The following HS6ST1 variants were observed in gnomAD, a reference collection of about 807,000 sequenced individuals.
The protein encoded by HS6ST1 is heparan sulfate 6-O-sulfotransferase 1.
Under a neutral mutation model 25.2 loss-of-function variants are expected in HS6ST1, and 3 were observed. The observed-to-expected ratio is 0.12, with a 90% CI of 0.05 to 0.31. The LOEUF is 0.31. Among genes scored for constraint, HS6ST1 ranks in the 10% least tolerant of loss-of-function variants. The pLI is 1.00. For synonymous variants in HS6ST1, 204 were observed against 275.1 expected, an observed-to-expected ratio of 0.74 and a Z score of 2.56; for missense variants, 310 against 609.6, an observed-to-expected ratio of 0.51 and a Z score of 5.18.
At chr2:128,276,040 T>C (rs1315079854) in intron 1 of HS6ST1, among the ~76,000 whole-genome samples, 1 of 152,248 alleles carries the variant, frequency 6.6e-6, no homozygotes. Context: ...ACATCAGGAC[T>C]GGATTATGAT....
rs1220746615 is a variant in HS6ST1 at position 128,267,661 on chromosome 2, T to C, written c.*501A>G. ...TGGGGGCTCCCCAGGCCTCGGGGCA[T>C]TGGGGGCAGCCAGAAGAGGAGGGGC... On this transcript the variant is annotated 3_prime_UTR_variant, in exon 2 of 2. Coordinates refer to ENST00000259241, the MANE Select transcript of HS6ST1 (RefSeq NM_004807.3). 22 of 173,746 alleles carry C rather than the reference T, an allele frequency of 1.3e-4. No individual in the cohort carries two copies. Among genetic ancestry groups the C allele is most frequent in the South Asian group, 8.8e-4 (6 of 6,804 alleles). 10.8% of individuals were successfully genotyped at this position (173,746 alleles called of 1,614,324 possible).
At chr2:128,275,209 C>A (rs554455519) in intron 1 of HS6ST1, among the ~76,000 whole-genome samples, 4 of 152,034 alleles carry the variant, frequency 2.6e-5, no homozygotes, top group Non-Finnish European at 4.4e-5. Context: ...CTTGCCTCAG[C>A]GGTAAATGAT....
intron 1 of HS6ST1, among the ~76,000 whole-genome samples, chr2:128,317,306 G>A (rs1325268456): frequency 3.3e-5 from 5 of 152,246 alleles, no homozygotes; most frequent in African/African-American, 1.2e-4. Flanking sequence ...CCCTGGACCA[G>A]CTCAACTACC....
chr2:128,306,465 T>C (rs1051341778), intron 1 of HS6ST1, among the ~76,000 whole-genome samples: 1 of 152,122 alleles, frequency 6.6e-6, no homozygotes, highest in African/African-American at 2.4e-5. Context: ...GATCCCGATC[T>C]CCCACGGTCA....
At chr2:128,301,544 G>A (rs73956991) in intron 1 of HS6ST1, among the ~76,000 whole-genome samples, 1,756 of 152,300 alleles carry the variant, frequency 0.012, 48 homozygotes, top group African/African-American at 0.04. Flanking sequence ...CAAATACGAA[G>A]AAACATCCCC....
intron 1 of HS6ST1, among the ~76,000 whole-genome samples, chr2:128,298,765 G>A (rs1158771388): frequency 6.6e-6 from 1 of 152,168 alleles, no homozygotes; most frequent in Admixed American, 6.5e-5. Context: ...TGTACTTCAT[G>A]CCACTGAACT....
intron 1 of HS6ST1, among the ~76,000 whole-genome samples, chr2:128,291,768 C>A (rs1053859480): frequency 6.6e-6 from 1 of 152,228 alleles, no homozygotes; most frequent in African/African-American, 2.4e-5. Context: ...AGGCCCTGGA[C>A]AGACCTCACG....
At chr2:128,277,525 T>C (rs1254344583) in intron 1 of HS6ST1, among the ~76,000 whole-genome samples, 4 of 152,190 alleles carry the variant, frequency 2.6e-5, no homozygotes, top group African/African-American at 7.2e-5. Flanking sequence ...GCCCTATCTG[T>C]AGTGGGGGTC....
At position 128,268,525 on chromosome 2, in the gene HS6ST1, G is replaced by A. The variant is rs369549797; in HGVS notation, c.873C>T (p.Phe291=). The change falls in exon 2 of 2, where the codon TTC becomes TTT. Residue 291 remains phenylalanine, a synonymous_variant. Coordinates refer to ENST00000259241, the MANE Select transcript of HS6ST1 (RefSeq NM_004807.3). ...AKKNLRGMAF[F]GLTEFQRKTQ... ...TCTTGCGCTGGAACTCGGTCAGGCC[G>A]AAGAAGGCCATGCCCCGCAGGTTCT... 9.1e-4 allele frequency: 1,455 copies of A among 1,604,196 alleles called. 6 individuals are homozygous for A. Among genetic ancestry groups the A allele is most frequent in the South Asian group, 5.6e-3 (508 of 90,168 alleles).
chr2:128,268,976 T>C (rs1693569941), intron 1 of HS6ST1, 106 bp from the exon 2 acceptor site: 7 of 900,220 alleles, frequency 7.8e-6, no homozygotes, highest in Non-Finnish European at 1.2e-5. Flanking sequence ...GGGCTTCGCC[T>C]CTAATGCCAA....
intron 1 of HS6ST1, among the ~76,000 whole-genome samples, chr2:128,281,265 T>G (rs987322316): frequency 4.0e-5 from 6 of 151,612 alleles, no homozygotes; most frequent in Non-Finnish European, 2.9e-5. Context: ...GCATGGGGGG[T>G]GGGGGTGCCT....
chr2:128,275,719 A>G (rs1693685189), intron 1 of HS6ST1, among the ~76,000 whole-genome samples: 1 of 152,234 alleles, frequency 6.6e-6, no homozygotes, highest in African/African-American at 2.4e-5. Flanking sequence ...GTAGGCACGA[A>G]TGCAGGGCGA....
In HS6ST1 at chr2:128,304,351, T is replaced by C. The variant is rs116703768; in HGVS notation, c.527+13686A>G. Among the ~76,000 whole-genome samples, 383 of 152,294 alleles carry C rather than the reference T, an allele frequency of 2.5e-3. 1 individual carries two copies. Among genetic ancestry groups the C allele is most frequent in the African/African-American group, 8.6e-3 (357 of 41,566 alleles). The stretch of plus-strand genomic sequence containing the variant: ...CGAGCCTTTAGAAACTGGGTCTCCC[T>C]GTGTGGGTGCTCCCCAGGGACAGAG... On this transcript the variant is annotated intron_variant, in intron 1 of 1. Transcript: ENST00000259241.
At chr2:128,286,925 C>A (rs1179792836) in intron 1 of HS6ST1, among the ~76,000 whole-genome samples, 1 of 152,146 alleles carries the variant, frequency 6.6e-6, no homozygotes, top group East Asian at 1.9e-4. Context: ...AAGCAGGAGG[C>A]CCCTCTGAAT....
intron 1 of HS6ST1, among the ~76,000 whole-genome samples, chr2:128,272,763 T>C (rs4662784): frequency 0.44 from 67,240 of 151,996 alleles, 15,548 homozygotes; most frequent in East Asian, 0.73. Context: ...CAATTTACTC[T>C]TTGGTTTCTG....
intron 1 of HS6ST1, among the ~76,000 whole-genome samples, chr2:128,294,497 C>A (rs1694007636): frequency 6.6e-6 from 1 of 152,162 alleles, no homozygotes; most frequent in Non-Finnish European, 1.5e-5. Flanking sequence ...CGCTGGCTGT[C>A]CTTAAGATGA....
intron 1 of HS6ST1, among the ~76,000 whole-genome samples, chr2:128,271,751 C>A (rs887851109): frequency 3.3e-5 from 5 of 152,232 alleles, no homozygotes; most frequent in Non-Finnish European, 5.9e-5. Flanking sequence ...CGATCCTGGC[C>A]TGCAGTGACG....
chr2:128,288,764 T>TC (rs1407353144), intron 1 of HS6ST1, among the ~76,000 whole-genome samples: 1 of 151,962 alleles, frequency 6.6e-6, no homozygotes, highest in Non-Finnish European at 1.5e-5. Flanking sequence ...GCTCAGGGCC[T>TC]CCCCAGCAGC....
chr2:128,290,160 T>C (rs1693930583), intron 1 of HS6ST1: 1 of 152,122 alleles, frequency 6.6e-6, no homozygotes. Context: ...GTGAAAGGTA[T>C]GAGGTTCACT....
Sources: allele counts gnomAD v4.1 joint callset (sites outside exome capture counted in the v4.1 genomes callset), GRCh38; gene constraint gnomAD v4.1.1; transcripts MANE v1.5; gene names NCBI Gene and HGNC (gene_info 2026-07-23, HGNC 2026-07-21).